The following KHDRBS1 variants were observed in gnomAD, a reference collection of about 807,000 sequenced individuals.
KHDRBS1 encodes the protein KH RNA binding domain containing, signal transduction associated 1.
KHDRBS1 carries 7 observed loss-of-function variants against 48.4 expected under a neutral mutation model. The observed-to-expected ratio is 0.14, with a 90% CI of 0.08 to 0.27. The LOEUF is 0.27. KHDRBS1 is among the 10% of genes least tolerant of loss of function. The pLI, the probability that KHDRBS1 is intolerant of heterozygous loss-of-function variation, is 1.00. For synonymous variants in KHDRBS1, 241 were observed against 235.8 expected, an observed-to-expected ratio of 1.02 and a Z score of -0.20; for missense variants, 458 against 601.2, an observed-to-expected ratio of 0.76 and a Z score of 2.49.
downstream of KHDRBS1, among the ~76,000 whole-genome samples, chr1:32,048,453 T>C (rs1303459745): frequency 6.6e-6 from 1 of 152,202 alleles, no homozygotes; most frequent in Non-Finnish European, 1.5e-5. Context: ...AAGGTTACAG[T>C]ATGCTATGAT....
chr1:32,059,692 C>T (rs545460078), intron 10 of KHDRBS1, among the ~76,000 whole-genome samples: 10 of 152,240 alleles, frequency 6.6e-5, no homozygotes, highest in East Asian at 1.9e-4. Context: ...TAACATCCAT[C>T]GCCCCTTGAG....
downstream of KHDRBS1, among the ~76,000 whole-genome samples, chr1:32,044,348 AG>A (rs1016293293): frequency 2.0e-5 from 3 of 152,148 alleles, no homozygotes; most frequent in Non-Finnish European, 4.4e-5. Flanking sequence ...GGTGCCCTTG[AG>A]GGTTTCTCTT....
intron 1 of KHDRBS1, among the ~76,000 whole-genome samples, chr1:32,029,775 T>C (rs992626769): frequency 9.2e-5 from 14 of 152,244 alleles, no homozygotes; most frequent in African/African-American, 3.1e-4. Flanking sequence ...TAATTAGGCA[T>C]ATCTACGTAT....
intron 10 of KHDRBS1, among the ~76,000 whole-genome samples, chr1:32,053,080 G>A (rs1639443079): frequency 6.6e-6 from 1 of 152,168 alleles, no homozygotes; most frequent in African/African-American, 2.4e-5. Context: ...TTGAGCCCAG[G>A]AGGTCAAGGC....
intron 8 of KHDRBS1, among the ~76,000 whole-genome samples, chr1:32,040,010 TA>T (rs968185640): frequency 3.4e-4 from 51 of 150,188 alleles, no homozygotes; most frequent in South Asian, 8.4e-4. Flanking sequence ...CCCATTTCAT[TA>T]AAAAAAAAAT....
intron 4 of KHDRBS1, among the ~76,000 whole-genome samples, chr1:32,035,631 A>C (rs1366544685): frequency 6.6e-6 from 1 of 152,236 alleles, no homozygotes; most frequent in Non-Finnish European, 1.5e-5. Flanking sequence ...TAGGAAGAGC[A>C]CTGGACTATG....
Position 32,033,378 on chromosome 1 carries a change from G to T in KHDRBS1, c.771+44G>T, listed in dbSNP as rs756107397. On this transcript the variant is annotated intron_variant, in intron 4 of 8. Coordinates refer to ENST00000327300, the MANE Select transcript of KHDRBS1 (RefSeq NM_006559.3). ...TGTGTCTTCTGAGCAAAAGAGAACT[G>T]GGATCTTATACTGTTGTGAAGGTAG... 2.5e-6 allele frequency: 4 copies of T among 1,608,652 alleles called. No homozygotes were observed. In the East Asian group the frequency reaches 8.9e-5, roughly 36 times the overall value.
At chr1:32,033,516 C>T (rs1406639148) in intron 4 of KHDRBS1, among the ~76,000 whole-genome samples, 182 bp downstream of exon 4, 1 of 152,164 alleles carries the variant, frequency 6.6e-6, no homozygotes, top group African/African-American at 2.4e-5. Context: ...CATTATGCTC[C>T]AAGGCCACTC....
chr1:32,051,590 G>T (rs867057668), intron 10 of KHDRBS1, among the ~76,000 whole-genome samples: 1 of 152,148 alleles, frequency 6.6e-6, no homozygotes. Flanking sequence ...CAGAGGCAGC[G>T]CTCCAGCATG....
intron 10 of KHDRBS1, among the ~76,000 whole-genome samples, chr1:32,055,777 C>T (rs1397885730): frequency 2.0e-5 from 3 of 152,054 alleles, no homozygotes; most frequent in East Asian, 1.9e-4. Flanking sequence ...TTGCTGCTCT[C>T]GGCTCCTAAG....
intron 1 of KHDRBS1, among the ~76,000 whole-genome samples, chr1:32,021,046 T>C (rs529412666): frequency 1.3e-5 from 2 of 152,278 alleles, no homozygotes; most frequent in Admixed American, 1.3e-4. Context: ...TGCAAAATGT[T>C]ATGGGGAAAA....
chr1:32,052,939 A>G (rs1035135713), intron 10 of KHDRBS1, among the ~76,000 whole-genome samples: 1 of 152,088 alleles, frequency 6.6e-6, no homozygotes, highest in African/African-American at 2.4e-5. Flanking sequence ...GCTAGAGTCC[A>G]GGAGTTCGGG....
chr1:32,020,844 A>C (rs187618578), intron 1 of KHDRBS1, among the ~76,000 whole-genome samples: 3 of 152,314 alleles, frequency 2.0e-5, no homozygotes, highest in African/African-American at 7.2e-5. Flanking sequence ...AAGGATCCTC[A>C]TGATGGAACT....
At chr1:32,014,486 G>T in intron 1 of KHDRBS1, 109 bp downstream of exon 1, 1 of 1,116,822 alleles carries the variant, frequency 9.0e-7, no homozygotes, top group Non-Finnish European at 1.2e-6. Context: ...GCAGTCGGGA[G>T]TTCCGGTCTC....
intron 1 of KHDRBS1, among the ~76,000 whole-genome samples, chr1:32,025,006 G>A (rs142292400): frequency 2.0e-3 from 306 of 151,700 alleles, no homozygotes; most frequent in Admixed American, 4.5e-3. Flanking sequence ...AGTAGGTCAC[G>A]CCTATAATCC....
chr1:32,060,675 CAATT>C (rs1244099237), exon 11 of KHDRBS1: 1 of 152,188 alleles, frequency 6.6e-6, no homozygotes, highest in Non-Finnish European at 1.5e-5. Context: ...TGAGAAGATT[CAATT>C]AATTTGGGCA....
At position 32,042,723 on chromosome 1, in the gene KHDRBS1, A is replaced by C; in HGVS notation, c.*99A>C. The C allele has an allele frequency of 2.7e-6, 2 of 731,742 alleles. No individual in the cohort carries two copies. Among genetic ancestry groups the C allele is most frequent in the Non-Finnish European group, 4.8e-6 (2 of 418,968 alleles). 45.3% of individuals were successfully genotyped at this position (731,742 alleles called of 1,614,324 possible). A position where few individuals can be genotyped will look rare whatever the true frequency, so the allele number is the denominator to read the frequency against. ...TTGCTTTACCCACAACAGACAAGTAATTGTCTAAGTGTTTTTCTTCGTGGT... is the reference window on the plus strand; with the variant it reads ...TTGCTTTACCCACAACAGACAAGTACTTGTCTAAGTGTTTTTCTTCGTGGT... On this transcript the variant is annotated 3_prime_UTR_variant, in exon 9 of 9. Coordinates refer to ENST00000327300, the MANE Select transcript of KHDRBS1 (RefSeq NM_006559.3).
chr1:32,037,875 G>A lies in KHDRBS1; in HGVS notation c.946G>A (p.Gly316Ser), dbSNP rs756366396. The change falls in exon 6 of 9, where the codon GGT becomes AGT. Residue 316 changes from glycine (G) to serine (S), a missense_variant. Gly to Ser is a moderately conservative substitution (Grantham distance 56, BLOSUM62 0). This residue lies in a region of KHDRBS1 where 171 missense variants were observed against 228.7 expected (regional missense o/e 0.75). Coordinates refer to ENST00000327300, the MANE Select transcript of KHDRBS1 (RefSeq NM_006559.3). The part of the protein sequence containing the change: ...VGPPRGALVR[G>S]TPVRGAITRG... ...ACCACCTCGGGGGGCTTTGGTACGT[G>A]GTACACCAGTAAGGGGAGCCATCAC... 1 of 1,614,186 alleles carries A rather than the reference G, an allele frequency of 6.2e-7. No individual in the cohort carries two copies. The highest frequency in any genetic ancestry group is 1.1e-5 in the South Asian group (1 of 91,080).
rs578037976 is a variant in KHDRBS1, at chr1:32,030,085, T to C, written c.383-213T>C. 2.6e-5 allele frequency among the ~76,000 whole-genome samples: 4 copies of C among 152,330 alleles called. No homozygotes were observed. The East Asian group carries it at 5.8e-4, about 22-fold the overall frequency. On this transcript the variant is annotated intron_variant, in intron 1 of 8. Coordinates refer to ENST00000327300, the MANE Select transcript of KHDRBS1 (RefSeq NM_006559.3). ...CTGTTGTCATGGCTTCAGGTGAGGG[T>C]GGAAGAGTACACTTCTTTTATTAGA...
Sources: allele counts gnomAD v4.1 joint callset (sites outside exome capture counted in the v4.1 genomes callset), GRCh38; gene constraint gnomAD v4.1.1; regional missense constraint gnomAD v4.1.1; transcripts MANE v1.5; gene names NCBI Gene and HGNC (gene_info 2026-07-23, HGNC 2026-07-21).